COX7C: variants seen among roughly 807,000 people sequenced by gnomAD.
COX7C encodes the protein cytochrome c oxidase subunit 7C.
In COX7C, 1 loss-of-function variant was observed where a neutral mutation model predicts 6.4. The ratio of observed to expected loss-of-function variants is 0.16; its 90% CI spans 0.06 to 0.74. The LOEUF (loss-of-function observed/expected upper bound fraction) is 0.74, where lower values mean the gene tolerates loss of function less well. COX7C is among the 30% of genes least tolerant of loss of function. The pLI is 0.78. For missense variants in COX7C, 54 were observed against 73.7 expected, an observed-to-expected ratio of 0.73 and a Z score of 0.98; for synonymous variants, 24 against 28.9, an observed-to-expected ratio of 0.83 and a Z score of 0.54.
intron 1 of COX7C, 73 bp from the exon 2 acceptor site, chr5:86,619,280 T>C (rs1334009536): frequency 2.0e-5 from 18 of 880,138 alleles, no homozygotes; most frequent in Non-Finnish European, 3.3e-5. Context: ...ATTTCCTGTA[T>C]ACTTGTATTT....
chr5:86,619,719 C>T (rs1750081631), intron 2 of COX7C: 1 of 357,742 alleles, frequency 2.8e-6, no homozygotes, highest in Non-Finnish European at 5.2e-6. Flanking sequence ...CACTTTACAT[C>T]GATATCTCAT....
intron 2 of COX7C, 124 bp downstream of exon 2, chr5:86,619,620 A>C: frequency 3.1e-6 from 2 of 639,470 alleles, no homozygotes; most frequent in Non-Finnish European, 5.6e-6. Flanking sequence ...TTATGTGTAG[A>C]TGTGGCATTG....
Position 86,618,020 on chromosome 5 carries a change from A to G in COX7C, c.-36A>G, listed in dbSNP as rs1185202934. ...AGGTGCCGCCATTTCATCTGTCCTC[A>G]TTCTCTGCGCCTTTCGCAGAGCTTC... On this transcript the variant is annotated 5_prime_UTR_variant, in exon 1 of 3. Transcript: ENST00000247655. The G allele has an allele frequency of 6.2e-7, 1 of 1,609,468 alleles. No individual in the cohort carries two copies. Among genetic ancestry groups the G allele is most frequent in the Non-Finnish European group, 8.5e-7 (1 of 1,177,104 alleles).
In COX7C at chr5:86,618,020, A is replaced by T. The variant is rs1185202934; in HGVS notation, c.-36A>T. ...AGGTGCCGCCATTTCATCTGTCCTCATTCTCTGCGCCTTTCGCAGAGCTTC... is the reference window on the plus strand; with the variant it reads ...AGGTGCCGCCATTTCATCTGTCCTCTTTCTCTGCGCCTTTCGCAGAGCTTC... On this transcript the variant is annotated 5_prime_UTR_variant, in exon 1 of 3. Coordinates refer to ENST00000247655, the MANE Select transcript of COX7C (RefSeq NM_001867.3). 1 of 1,609,468 alleles carries T rather than the reference A, an allele frequency of 6.2e-7. No individual in the cohort carries two copies. Among genetic ancestry groups the T allele is most frequent in the Admixed American group, 1.7e-5 (1 of 59,994 alleles).
chr5:86,618,122 C>T lies in COX7C; in HGVS notation c.67C>T (p.Pro23Ser), dbSNP rs1239362184. ...CCGTAGGAGCCACTATGAGGAGGGC[C>T]CTGGGAAGGTTAGTGTGTAAGGGGC... Reference protein sequence around the residue: ...VVRRSHYEEGPGKNLPFSVEN... With the variant: ...VVRRSHYEEGSGKNLPFSVEN... Residue 23 changes from proline (P) to serine (S), a missense_variant, in exon 1 of 3, where the codon CCT (proline) becomes TCT (serine). Pro to Ser is a moderately conservative substitution (Grantham distance 74, BLOSUM62 -1). Coordinates refer to ENST00000247655, the MANE Select transcript of COX7C (RefSeq NM_001867.3). 2 of 1,613,960 alleles carry T rather than the reference C, an allele frequency of 1.2e-6. No individual in the cohort carries two copies. Among genetic ancestry groups the T allele is most frequent in the East Asian group, 4.5e-5 (2 of 44,884 alleles).
intron 1 of COX7C, 71 bp from the exon 2 acceptor site, chr5:86,619,282 C>T: frequency 1.1e-6 from 1 of 906,958 alleles, no homozygotes; most frequent in South Asian, 1.3e-5. Context: ...TTCCTGTATA[C>T]TTGTATTTTG....
intron 2 of COX7C, chr5:86,619,786 G>A (rs1750082967): frequency 4.3e-6 from 1 of 235,220 alleles, no homozygotes; most frequent in Non-Finnish European, 8.5e-6. Flanking sequence ...ACACAGAGAT[G>A]TTAAGTTGTT....
chr5:86,618,663 G>T (rs1750052395), intron 1 of COX7C, among the ~76,000 whole-genome samples: 1 of 152,208 alleles, frequency 6.6e-6, no homozygotes, highest in Non-Finnish European at 1.5e-5. Flanking sequence ...AAAGGCCAGA[G>T]AAGGTGCTTG....
chr5:86,618,222 G>A lies in COX7C; in HGVS notation c.75+92G>A, dbSNP rs1580392534. 3.3e-6 allele frequency: 4 copies of A among 1,198,230 alleles called. No individual in the cohort carries two copies. The South Asian group carries it at 3.8e-5, about 11-fold the overall frequency. The allele number at this position is 1,198,230 out of a possible 1,614,324, so 74.2% of individuals were successfully genotyped here. On this transcript the variant is annotated intron_variant, in intron 1 of 2. Transcript: ENST00000247655. Reference sequence around the variant, plus strand: ...AGGCCGCCTCCGGGCTGTGGCGTGGGAGATGATAGCCAGAAACCAGGCTGA... The same window carrying A: ...AGGCCGCCTCCGGGCTGTGGCGTGGAAGATGATAGCCAGAAACCAGGCTGA...
chr5:86,620,505 G>A (rs113797294), intron 2 of COX7C, 163 bp from the exon 3 acceptor site: 129 of 257,514 alleles, frequency 5.0e-4, no homozygotes, highest in African/African-American at 2.5e-3. Context: ...GAAAGGTTGC[G>A]GTGCATGTGA....
rs142386563 is a variant in COX7C at position 86,619,471 on chromosome 5, G to A, written c.*2G>A. 382 of 1,572,688 alleles carry A rather than the reference G, an allele frequency of 2.4e-4. No homozygotes were observed. In the African/African-American group the frequency reaches 4.7e-3, roughly 19 times the overall value. On this transcript the variant is annotated 3_prime_UTR_variant, in exon 2 of 3. Transcript: ENST00000247655. ...AGACACCAACTGCTTAAAACATAAG[G>A]ATGTTTCAGTTCCTCCATTTAACAG...
In COX7C at chr5:86,620,732, A is replaced by G; in HGVS notation, c.*92A>G. The G allele has an allele frequency of 2.9e-6, 1 of 341,248 alleles. No individual in the cohort carries two copies. The highest frequency in any genetic ancestry group is 2.1e-5 in the South Asian group (1 of 47,322). The allele number at this position is 341,248 out of a possible 1,614,324, so 21.1% of individuals were successfully genotyped here. On this transcript the variant is annotated 3_prime_UTR_variant, in exon 3 of 3. Transcript: ENST00000247655. Reference sequence around the variant, plus strand: ...GATCAAACTAGAACTCATATGCCATACTAGATATGTTTGTCAATAAACTTA... The same window carrying G: ...GATCAAACTAGAACTCATATGCCATGCTAGATATGTTTGTCAATAAACTTA...
intron 1 of COX7C, among the ~76,000 whole-genome samples, chr5:86,618,505 C>T (rs1365347356): frequency 2.0e-5 from 3 of 152,178 alleles, no homozygotes; most frequent in Admixed American, 6.5e-5. Context: ...ATCAGGGCCT[C>T]TGGTTATGGA....
Position 86,619,348 on chromosome 5 carries a change from A to G in COX7C, c.76-5A>G, listed in dbSNP as rs759081703. The G allele has an allele frequency of 7.5e-6, 12 of 1,590,056 alleles. No individual in the cohort carries two copies. In the East Asian group the frequency reaches 2.0e-4, roughly 27 times the overall value. ...TCGATTACTTTTTCTCTTTTTTTCC[A>G]ACAGAATTTGCCATTTTCAGTGGAA... is the stretch of plus-strand genomic sequence containing the variant. On this transcript the variant is annotated splice_region_variant and splice_polypyrimidine_tract_variant and intron_variant, in intron 1 of 2. Transcript: ENST00000247655.
At position 86,619,429 on chromosome 5, in the gene COX7C, C is replaced by T. The variant is rs1384434477; in HGVS notation, c.152C>T (p.Thr51Ile). The T allele has an allele frequency of 1.9e-6, 3 of 1,613,362 alleles. No homozygotes were observed. Among genetic ancestry groups the T allele is most frequent in the Admixed American group, 1.7e-5 (1 of 60,010 alleles). Residue 51 changes from threonine (T) to isoleucine (I), a missense_variant, in exon 2 of 3, where the codon ACA becomes ATA. Coordinates refer to ENST00000247655, the MANE Select transcript of COX7C (RefSeq NM_001867.3). ...MCLYFGSAFA[T>I]PFLVVRHQLL... ...TTGTACTTTGGATCTGCATTTGCTA[C>T]ACCCTTCCTTGTAGTAAGACACCAA... is the stretch of plus-strand genomic sequence containing the variant.
At chr5:86,618,728 C>T (rs1424077832) in intron 1 of COX7C, among the ~76,000 whole-genome samples, 1 of 152,130 alleles carries the variant, frequency 6.6e-6, no homozygotes, top group African/African-American at 2.4e-5. Context: ...GTGGCGCACG[C>T]CTGTAATCGG....
Position 86,620,649 on chromosome 5 carries a change from T to C in COX7C, c.*28-19T>C. ...ATGGGATTTTTAAAATGCCATTAAT[T>C]TCTGTTTTTATTTTGCAGATATGAA... On this transcript the variant is annotated intron_variant, in intron 2 of 2. Transcript: ENST00000247655. 2.3e-6 allele frequency: 1 copy of C among 438,984 alleles called. No homozygotes were observed. The highest frequency in any genetic ancestry group is 4.6e-6 in the Non-Finnish European group (1 of 215,102). 27.2% of individuals were successfully genotyped at this position (438,984 alleles called of 1,614,324 possible).
At chr5:86,618,929 C>G (rs943510836) in intron 1 of COX7C, among the ~76,000 whole-genome samples, 1 of 151,120 alleles carries the variant, frequency 6.6e-6, no homozygotes, top group Non-Finnish European at 1.5e-5. Flanking sequence ...TTGCAGTGAG[C>G]CGAGATCGGG....
intron 2 of COX7C, 199 bp downstream of exon 2, chr5:86,619,695 C>T (rs1332500481): frequency 6.6e-6 from 3 of 452,594 alleles, no homozygotes; most frequent in African/African-American, 5.8e-5. Context: ...TTGAATACTA[C>T]TGCTTATCAG....
Sources: gnomAD v4.1 joint callset for allele counts (sites outside exome capture counted in the v4.1 genomes callset) on GRCh38, gnomAD v4.1.1 for gene constraint, MANE v1.5 for transcripts, NCBI Gene and HGNC (gene_info 2026-07-23, HGNC 2026-07-21) for gene names.